Variants in BMP6 observed in about 807,000 individuals in gnomAD.
The protein encoded by BMP6 is bone morphogenetic protein 6.
A neutral mutation model predicts 54.1 loss-of-function variants in BMP6; 17 were observed. The observed-to-expected ratio is 0.31, with a 90% confidence interval of 0.22 to 0.47. The LOEUF (loss-of-function observed/expected upper bound fraction) is 0.47. BMP6 is among the 20% of genes least tolerant of loss of function. BMP6 has a pLI of 1.00. For missense variants in BMP6, 720 were observed against 690.4 expected, an observed-to-expected ratio of 1.04 and a Z score of -0.48; for synonymous variants, 328 against 291.2, an observed-to-expected ratio of 1.13 and a Z score of -1.28.
chr6:7,728,952 G>A (rs1486614754), intron 1 of BMP6, among the ~76,000 whole-genome samples: 1 of 152,194 alleles, frequency 6.6e-6, no homozygotes, highest in Non-Finnish European at 1.5e-5. Flanking sequence ...GAGAACATGG[G>A]GGGTAAGAGC....
At chr6:7,879,217 A>G (rs1443239873) in intron 5 of BMP6, 67 bp downstream of exon 5, 1 of 1,473,950 alleles carries the variant, frequency 6.8e-7, no homozygotes, top group Non-Finnish European at 9.5e-7. Context: ...GAATGGTGGC[A>G]GCCATTACCA....
At chr6:7,783,485 T>C (rs1757977360) in intron 1 of BMP6, among the ~76,000 whole-genome samples, 1 of 152,250 alleles carries the variant, frequency 6.6e-6, no homozygotes, top group Non-Finnish European at 1.5e-5. Context: ...GAAACATGCT[T>C]TCTTTTCATT....
At chr6:7,762,168 T>C (rs1208142867) in intron 1 of BMP6, among the ~76,000 whole-genome samples, 1 of 152,162 alleles carries the variant, frequency 6.6e-6, no homozygotes, top group African/African-American at 2.4e-5. Context: ...ATGATCCACC[T>C]ACCTCAGCCT....
chr6:7,856,173 A>G (rs1464739568), intron 2 of BMP6, among the ~76,000 whole-genome samples: 1 of 147,466 alleles, frequency 6.8e-6, no homozygotes, highest in Non-Finnish European at 1.5e-5. Context: ...ATGTTCATTC[A>G]TCTTTGTTAC....
intron 1 of BMP6, among the ~76,000 whole-genome samples, chr6:7,736,060 A>G (rs948184794): frequency 7.2e-5 from 11 of 152,248 alleles, no homozygotes; most frequent in Admixed American, 7.2e-4. Flanking sequence ...ATAGTCTATG[A>G]CAATGTGGGA....
chr6:7,800,225 A>G (rs902613175), intron 1 of BMP6, among the ~76,000 whole-genome samples: 4 of 152,200 alleles, frequency 2.6e-5, no homozygotes, highest in South Asian at 2.1e-4. Flanking sequence ...TGCCTGTACT[A>G]TAAAGTGGGA....
chr6:7,732,393 A>G (rs1044438091), intron 1 of BMP6, among the ~76,000 whole-genome samples: 1 of 152,230 alleles, frequency 6.6e-6, no homozygotes, highest in South Asian at 2.1e-4. Context: ...TATTGTTCAG[A>G]CCTCAGATGG....
intron 4 of BMP6, among the ~76,000 whole-genome samples, chr6:7,869,026 G>T (rs1176753817): frequency 2.0e-5 from 3 of 152,200 alleles, no homozygotes; most frequent in African/African-American, 7.2e-5. Context: ...CAGCAGGCAG[G>T]GTCACTGGGA....
At chr6:7,863,184 A>C (rs1463105327) in intron 4 of BMP6, among the ~76,000 whole-genome samples, 2 of 151,856 alleles carry the variant, frequency 1.3e-5, no homozygotes, top group African/African-American at 4.8e-5. Context: ...ATTTTTAGTA[A>C]AGACAGGATT....
intron 2 of BMP6, among the ~76,000 whole-genome samples, chr6:7,850,894 C>A (rs1164877538): frequency 6.6e-6 from 1 of 152,188 alleles, no homozygotes; most frequent in African/African-American, 2.4e-5. Context: ...CTATCTTTTT[C>A]TCATGTGCTT....
intron 1 of BMP6, among the ~76,000 whole-genome samples, chr6:7,737,770 C>T (rs892404052): frequency 2.6e-5 from 4 of 152,084 alleles, no homozygotes; most frequent in Admixed American, 1.3e-4. Flanking sequence ...TTATACACGT[C>T]CATGGAGTCT....
intron 2 of BMP6, among the ~76,000 whole-genome samples, chr6:7,848,996 G>A (rs1328581245): frequency 1.3e-5 from 2 of 152,140 alleles, no homozygotes; most frequent in Non-Finnish European, 2.9e-5. Context: ...ACAAAGTATG[G>A]CACATACGAA....
chr6:7,758,575 G>T (rs555522120), intron 1 of BMP6, among the ~76,000 whole-genome samples: 1 of 152,344 alleles, frequency 6.6e-6, no homozygotes. Flanking sequence ...TCCCTACAGT[G>T]CCTTGTGGTA....
chr6:7,879,238 G>A, intron 5 of BMP6, 88 bp downstream of exon 5: 1 of 1,370,626 alleles, frequency 7.3e-7, no homozygotes, highest in Admixed American at 1.7e-5. Context: ...AACACCCAGA[G>A]CTTGATTGAA....
At chr6:7,728,223 G>T (rs927204480) in intron 1 of BMP6, among the ~76,000 whole-genome samples, 48 of 152,206 alleles carry the variant, frequency 3.2e-4, no homozygotes, top group Admixed American at 9.8e-4. Context: ...GATCCCGGCC[G>T]GGCGGGGCTC....
chr6:7,772,072 CAAAA>C (rs911048497), intron 1 of BMP6, among the ~76,000 whole-genome samples: 3 of 148,120 alleles, frequency 2.0e-5, no homozygotes, highest in South Asian at 2.2e-4. Context: ...ACCAAAAAAA[CAAAA>C]AAAAACAAAC....
chr6:7,807,479 C>T (rs1758363634), intron 1 of BMP6, among the ~76,000 whole-genome samples: 1 of 152,110 alleles, frequency 6.6e-6, no homozygotes, highest in South Asian at 2.1e-4. Flanking sequence ...CGGGGTTTCA[C>T]CATGTTGGCC....
chr6:7,815,668 T>A (rs969094621), intron 1 of BMP6, among the ~76,000 whole-genome samples: 3 of 152,142 alleles, frequency 2.0e-5, no homozygotes, highest in Non-Finnish European at 4.4e-5. Context: ...TCAAAAAGTT[T>A]TAAATACTAA....
intron 4 of BMP6, among the ~76,000 whole-genome samples, chr6:7,877,003 C>T (rs1561799588): frequency 6.6e-6 from 1 of 152,066 alleles, no homozygotes; most frequent in Non-Finnish European, 1.5e-5. Context: ...TCTGGGTCTT[C>T]CCTTGCATTC....
Sources: gnomAD v4.1 joint callset for allele counts (sites outside exome capture counted in the v4.1 genomes callset) on GRCh38, gnomAD v4.1.1 for gene constraint, MANE v1.5 for transcripts, NCBI Gene and HGNC (gene_info 2026-07-23, HGNC 2026-07-21) for gene names.